The following CACNA1B variants were observed in gnomAD, a reference collection of about 807,000 sequenced individuals.
CACNA1B encodes voltage-dependent N-type calcium channel subunit alpha-1B.
Under a neutral mutation model 247.2 loss-of-function variants are expected in CACNA1B, and 70 were observed. That is an observed-to-expected ratio of 0.28 (90% CI 0.23 to 0.35). The LOEUF is 0.35. Among genes scored for constraint, CACNA1B ranks in the 10% least tolerant of loss-of-function variants. CACNA1B has a pLI of 1.00. For missense variants in CACNA1B, 2,367 were observed against 3,197.4 expected (o/e 0.74, Z 6.26); for synonymous variants, 1,231 against 1,294.4 (o/e 0.95, Z 1.05).
chr9:138,094,735 A>T (rs1262643273), intron 36 of CACNA1B, among the ~76,000 whole-genome samples: 3 of 152,190 alleles, frequency 2.0e-5, no homozygotes. Flanking sequence ...ATAAAGATAG[A>T]TACATAGGCC....
Position 138,083,856 on chromosome 9 carries a change from G to A in CACNA1B, c.5094+5598G>A, listed in dbSNP as rs889553768. ...TAGGGTACTTGCTGCTGCTACACCT[G>A]TTCTCACAGAACCTGGGATACTGCC... On this transcript the variant is annotated intron_variant, in intron 36 of 46. Transcript: ENST00000371372. Among the ~76,000 whole-genome samples, 29 of 150,640 alleles carry A rather than the reference G, an allele frequency of 1.9e-4. 1 individual carries two copies. The highest frequency in any genetic ancestry group is 7.1e-4 in the African/African-American group (29 of 40,598).
intron 35 of CACNA1B, 52 bp downstream of exon 35, chr9:138,075,962 CT>C: frequency 8.2e-7 from 1 of 1,214,872 alleles, no homozygotes; most frequent in Non-Finnish European, 1.2e-6. Flanking sequence ...TCGGGGGCTG[CT>C]TTACTCAGGA....
At chr9:138,077,220 G>T (rs890268313) in intron 35 of CACNA1B, among the ~76,000 whole-genome samples, 1 of 152,162 alleles carries the variant, frequency 6.6e-6, no homozygotes, top group African/African-American at 2.4e-5. Context: ...TACGCCTGGG[G>T]CTGCGCACAC....
At chr9:138,043,749 A>T in intron 20 of CACNA1B, 25 bp from the exon 21 acceptor site, 1 of 1,613,528 alleles carries the variant, frequency 6.2e-7, no homozygotes, top group East Asian at 2.2e-5. Context: ...TACACCCCTT[A>T]CTCGGGGGCC....
intron 13 of CACNA1B, among the ~76,000 whole-genome samples, chr9:137,985,796 G>A (rs770332869): frequency 2.6e-5 from 4 of 152,208 alleles, no homozygotes; most frequent in Middle Eastern, 3.2e-3. Context: ...ATGGGGACCC[G>A]TGCATGAGCA....
intron 10 of CACNA1B, among the ~76,000 whole-genome samples, chr9:137,968,508 C>A (rs1318443769): frequency 6.6e-6 from 1 of 152,232 alleles, no homozygotes; most frequent in East Asian, 1.9e-4. Context: ...GGGGTGACAG[C>A]CATTAGGGCC....
rs946699198 is a variant in CACNA1B, at chr9:137,935,121, A to T, written c.967-17153A>T. ...GATAAATTTTCTTTTTTTTCATTAT[A>T]CTTTAAGTTCTAGGGTACATGTGCA... is the stretch of plus-strand genomic sequence containing the variant. On this transcript the variant is annotated intron_variant, in intron 6 of 46. Coordinates refer to ENST00000371372, the MANE Select transcript of CACNA1B (RefSeq NM_000718.4). Among the ~76,000 whole-genome samples the T allele has an allele frequency of 3.8e-4, 58 of 152,144 alleles. 2 individuals are homozygous for T. The highest frequency in any genetic ancestry group is 1.3e-3 in the African/African-American group (53 of 41,428).
At chr9:137,921,047 G>A (rs111773306) in intron 6 of CACNA1B, among the ~76,000 whole-genome samples, 6 of 3,280 alleles carry the variant, frequency 1.8e-3, no homozygotes, top group African/African-American at 0.017. Flanking sequence ...GGAACAGCAG[G>A]CTGATGAGCA....
intron 20 of CACNA1B, among the ~76,000 whole-genome samples, chr9:138,035,467 AAAAG>A (rs994637553): frequency 6.6e-6 from 1 of 152,196 alleles, no homozygotes; most frequent in African/African-American, 2.4e-5. Context: ...GTCTCAAAAA[AAAAG>A]AAAGAAAAGA....
chr9:137,959,343 G>T (rs1480376287), intron 10 of CACNA1B, among the ~76,000 whole-genome samples: 1 of 152,168 alleles, frequency 6.6e-6, no homozygotes, highest in East Asian at 1.9e-4. Flanking sequence ...AAAGGGCTGG[G>T]ATTACAGGTG....
At position 137,976,117 on chromosome 9, in the gene CACNA1B, G is replaced by A. The variant is rs1286658161; in HGVS notation, c.1656+98G>A. 7.8e-6 allele frequency: 6 copies of A among 768,564 alleles called. 1 individual carries two copies. Among genetic ancestry groups the A allele is most frequent in the South Asian group, 6.2e-5 (4 of 64,018 alleles). The allele number at this position is 768,564 out of a possible 1,614,324, so 47.6% of individuals were successfully genotyped here. On this transcript the variant is annotated intron_variant, in intron 12 of 46. Coordinates refer to ENST00000371372, the MANE Select transcript of CACNA1B (RefSeq NM_000718.4). ...CCATGCCCAGTGTGGGCTGGGGTCT[G>A]TGACCCTACATGGGTCAGAAAGGCT...
intron 12 of CACNA1B, among the ~76,000 whole-genome samples, chr9:137,977,425 C>T (rs1286755469): frequency 5.8e-5 from 8 of 138,396 alleles, no homozygotes; most frequent in African/African-American, 1.6e-4. Context: ...CCCAGCTTAC[C>T]ATGACAGCTG....
chr9:137,915,294 GGT>G, intron 5 of CACNA1B, among the ~76,000 whole-genome samples: 1 of 152,234 alleles, frequency 6.6e-6, no homozygotes, highest in East Asian at 1.9e-4. Flanking sequence ...CTTTGAGTGA[GGT>G]GTGGCATCTT....
Position 138,120,301 on chromosome 9 carries a change from G to A in CACNA1B, c.6167G>A (p.Cys2056Tyr). Reference sequence around the variant, plus strand: ...TCGTCGCACCACCACCACCACCGCTGCCACCGCCGCAGGGACAGGAAGCAG... The same window carrying A: ...TCGTCGCACCACCACCACCACCGCTACCACCGCCGCAGGGACAGGAAGCAG... ...QASSHHHHHR[C>Y]HRRRDRKQRS... Residue 2056 changes from cysteine to tyrosine, a missense_variant, in exon 45 of 47, where the codon TGC (cysteine) becomes TAC (tyrosine). By Grantham distance (194) the Cys-to-Tyr change is radical. This residue lies in a region of CACNA1B where 773 missense variants were observed against 779.4 expected (regional missense o/e 0.99). Coordinates refer to ENST00000371372, the MANE Select transcript of CACNA1B (RefSeq NM_000718.4). 1 of 1,562,802 alleles carries A rather than the reference G, an allele frequency of 6.4e-7. No individual in the cohort carries two copies.
At chr9:138,039,101 C>T (rs1223443562) in intron 20 of CACNA1B, among the ~76,000 whole-genome samples, 1 of 151,846 alleles carries the variant, frequency 6.6e-6, no homozygotes, top group African/African-American at 2.4e-5. Context: ...GAGGCTGAGA[C>T]AGGAGAATCG....
At chr9:137,985,468 G>C (rs1164807851) in intron 13 of CACNA1B, among the ~76,000 whole-genome samples, 1 of 152,212 alleles carries the variant, frequency 6.6e-6, no homozygotes, top group Non-Finnish European at 1.5e-5. Context: ...CCTGAGGCAG[G>C]CTGGCCTAGA....
In CACNA1B at chr9:137,973,485, C is replaced by T. The variant is rs1958181089; in HGVS notation, c.1543+1893C>T. On this transcript the variant is annotated intron_variant, in intron 11 of 46. Transcript: ENST00000371372. This position sits in a 1 kb window ranked among gnomAD's most constrained non-coding sequence, Gnocchi z 4.1. ...TGCCAGAACCTTCAAAATTGAGGCT[C>T]GAGTGGTTAAGAGGGGCACTGTCAG... 2.6e-5 allele frequency among the ~76,000 whole-genome samples: 4 copies of T among 152,144 alleles called. No homozygotes were observed. The highest frequency in any genetic ancestry group is 4.8e-5 in the African/African-American group (2 of 41,426).
chr9:138,079,724 C>G (rs1960455789), intron 36 of CACNA1B, among the ~76,000 whole-genome samples: 1 of 116,354 alleles, frequency 8.6e-6, no homozygotes, highest in Non-Finnish European at 1.6e-5. Flanking sequence ...GCCTGGGCAA[C>G]AGAGCCAGAC....
intron 3 of CACNA1B, among the ~76,000 whole-genome samples, chr9:137,898,744 C>T (rs1265545417): frequency 2.0e-5 from 3 of 150,810 alleles, no homozygotes; most frequent in East Asian, 3.9e-4. Flanking sequence ...TGCAGTGGCA[C>T]GATCTCAGCT....
Sources: gnomAD v4.1 joint callset for allele counts (sites outside exome capture counted in the v4.1 genomes callset) on GRCh38, gnomAD v4.1.1 for gene constraint, gnomAD v4.1.1 regional missense constraint, Gnocchi (gnomAD v3.1) non-coding constraint, MANE v1.5 for transcripts, NCBI Gene and HGNC (gene_info 2026-07-23, HGNC 2026-07-21) for gene names.